The following VPS13C variants were observed in gnomAD, a reference collection of about 807,000 sequenced individuals.
The protein encoded by VPS13C is intermembrane lipid transfer protein VPS13C.
In VPS13C, 358 loss-of-function variants were observed where a neutral mutation model predicts 456.8. The ratio of observed to expected loss-of-function variants is 0.78; its 90% CI spans 0.72 to 0.86. The LOEUF (loss-of-function observed/expected upper bound fraction) is 0.86, where lower values mean the gene tolerates loss of function less well. Among genes scored for constraint, VPS13C ranks in the 40% least tolerant of loss-of-function variants. VPS13C has a pLI of 0.00. For missense variants in VPS13C, 4,818 were observed against 4,385.4 expected (o/e 1.10, Z -2.79); for synonymous variants, 1,578 against 1,486.7 (o/e 1.06, Z -1.41).
At position 61,940,510 on chromosome 15, in the gene VPS13C, T is replaced by C. The variant is rs2044383489; in HGVS notation, c.5601+137A>G. The C allele has an allele frequency of 4.2e-6, 3 of 717,520 alleles. No homozygotes were observed. In the African/African-American group the frequency reaches 5.4e-5, roughly 13 times the overall value. The allele number at this position is 717,520 out of a possible 1,614,324, so 44.4% of individuals were successfully genotyped here. ...CAAAAGTACACATACAACAGACAAA[T>C]GCTCACTAAGAGAAAACTGGTTTAG... On this transcript the variant is annotated intron_variant, in intron 47 of 84. Transcript: ENST00000644861.
intron 65 of VPS13C, among the ~76,000 whole-genome samples, chr15:61,907,938 A>T (rs1177020619): frequency 6.6e-6 from 1 of 152,132 alleles, no homozygotes; most frequent in Non-Finnish European, 1.5e-5. Context: ...TAACAAATAC[A>T]ATACTTAAGA....
At chr15:62,034,329 G>T (rs2140655016) in intron 4 of VPS13C, among the ~76,000 whole-genome samples, 1 of 151,570 alleles carries the variant, frequency 6.6e-6, no homozygotes, top group Admixed American at 6.6e-5. Context: ...AGAGCAAAAT[G>T]TAAAAATAAA....
At position 61,974,297 on chromosome 15, in the gene VPS13C, T is replaced by C; in HGVS notation, c.2529A>G (p.Pro843=). Residue 843 remains proline (P), a synonymous_variant, in exon 25 of 85, where the codon CCA becomes CCG. Transcript: ENST00000644861. ...TATTGTATCTATTTACCTGTCTCTC[T>C]GGAGACTGGGCTGATGATTTCTGTG... ...PLPQKSSAQS[P]ERQVSSIPII... is the part of the protein sequence containing the mutation. 1 of 1,611,470 alleles carries C rather than the reference T, an allele frequency of 6.2e-7. No homozygotes were observed. The highest frequency in any genetic ancestry group is 8.5e-7 in the Non-Finnish European group (1 of 1,178,418).
intron 45 of VPS13C, among the ~76,000 whole-genome samples, chr15:61,944,876 A>T (rs2044551835): frequency 6.6e-6 from 1 of 152,216 alleles, no homozygotes; most frequent in African/African-American, 2.4e-5. Context: ...TGGCAGCCCC[A>T]CTAAGAAGAA....
chr15:61,876,428 A>G (rs747346989), intron 75 of VPS13C, among the ~76,000 whole-genome samples: 27 of 152,058 alleles, frequency 1.8e-4, no homozygotes, highest in Non-Finnish European at 2.8e-4. Flanking sequence ...CAAAACAAAA[A>G]AAAGGGAAAA....
intron 8 of VPS13C, 100 bp from the exon 9 acceptor site, chr15:62,020,638 G>T: frequency 1.7e-6 from 2 of 1,147,366 alleles, no homozygotes; most frequent in Non-Finnish European, 2.5e-6. Context: ...TACAGGTTAA[G>T]CCATACAACC....
chr15:61,863,473 C>A lies in VPS13C; in HGVS notation c.10919G>T (p.Gly3640Val). 1.2e-6 allele frequency: 2 copies of A among 1,612,852 alleles called. No individual in the cohort carries two copies. Among genetic ancestry groups the A allele is most frequent in the Non-Finnish European group, 1.7e-6 (2 of 1,179,206 alleles). Reference protein sequence around the residue: ...ETYRYHCAIPGSKKTILMVTN... With the variant: ...ETYRYHCAIPVSKKTILMVTN... ...AACCATAAGGATTGTCTTCTTGCTT[C>A]CAGGAATAGCACAGTGGTATCGGTA... Residue 3640 changes from glycine to valine, a missense_variant, in exon 82 of 85, where the codon GGA becomes GTA. Transcript: ENST00000644861.
In VPS13C at chr15:61,949,519, A is replaced by C; in HGVS notation, c.4683T>G (p.Ser1561=). The C allele has an allele frequency of 6.2e-7, 1 of 1,613,882 alleles. No individual in the cohort carries two copies. The highest frequency in any genetic ancestry group is 8.5e-7 in the Non-Finnish European group (1 of 1,179,928). The part of the protein sequence containing the change: ...MDFLSSAAPF[S]EPSSSEKESE... ...ATTCCTTCTCAGAAGAGGAAGGCTC[A>C]GAGAATGGAGCAGCAGATGATAAAA... Residue 1561 remains serine, a synonymous_variant, in exon 42 of 85, where the codon TCT becomes TCG. Transcript: ENST00000644861.
In VPS13C at chr15:61,867,822, A is replaced by C; in HGVS notation, c.10863+837T>G. 1 of 1,531,648 alleles carries C rather than the reference A, an allele frequency of 6.5e-7. No homozygotes were observed. The highest frequency in any genetic ancestry group is 2.3e-5 in the Admixed American group (1 of 44,298). The allele number at this position is 1,531,648 out of a possible 1,614,324, so 94.9% of individuals were successfully genotyped here. ...TCAGATGGAGGTGAGAGTTTTAAAGAAAATTTCATTAAAATTGACAATGGA... is the reference window on the plus strand; with the variant it reads ...TCAGATGGAGGTGAGAGTTTTAAAGCAAATTTCATTAAAATTGACAATGGA... On this transcript the variant is annotated intron_variant, in intron 81 of 84. Coordinates refer to ENST00000644861, the MANE Select transcript of VPS13C (RefSeq NM_020821.3). This position sits in a 1 kb window ranked among gnomAD's most constrained non-coding sequence, Gnocchi z 5.0.
intron 1 of VPS13C, among the ~76,000 whole-genome samples, chr15:62,047,678 T>C (rs1228971446): frequency 6.6e-6 from 1 of 152,122 alleles, no homozygotes; most frequent in African/African-American, 2.4e-5. Flanking sequence ...TAAAAGTGCA[T>C]TCATTCATTC....
intron 78 of VPS13C, among the ~76,000 whole-genome samples, chr15:61,872,478 C>T (rs1895104657): frequency 6.6e-6 from 1 of 152,032 alleles, no homozygotes; most frequent in South Asian, 2.1e-4. Flanking sequence ...AGGGCCCTCC[C>T]AGGGACAGGT....
intron 42 of VPS13C, among the ~76,000 whole-genome samples, chr15:61,948,586 G>A (rs1197400679): frequency 2.6e-5 from 4 of 152,002 alleles, no homozygotes; most frequent in African/African-American, 9.7e-5. Flanking sequence ...GGGAGGCTGA[G>A]GCAAGAAAAT....
At position 61,867,169 on chromosome 15, in the gene VPS13C, A is replaced by G; in HGVS notation, c.10863+1490T>C. On this transcript the variant is annotated intron_variant, in intron 81 of 84. Transcript: ENST00000644861. The surrounding 1 kb of genome is among the most constrained non-coding windows in gnomAD (Gnocchi z 5.0). ...GCCACACAGCAATTTGCCTAATTACATGTTCAACTTCTATCTACATTAATT... is the reference window on the plus strand; with the variant it reads ...GCCACACAGCAATTTGCCTAATTACGTGTTCAACTTCTATCTACATTAATT... 1 of 984,146 alleles carries G rather than the reference A, an allele frequency of 1.0e-6. No homozygotes were observed. The highest frequency in any genetic ancestry group is 1.2e-6 in the Non-Finnish European group (1 of 828,724). 61.0% of individuals were successfully genotyped at this position (984,146 alleles called of 1,614,324 possible). A position where few individuals can be genotyped will look rare whatever the true frequency, so the allele number is the denominator to read the frequency against.
At chr15:61,917,671 A>G (rs778104161) in intron 59 of VPS13C, 36 bp from the exon 60 acceptor site, 2 of 1,581,688 alleles carry the variant, frequency 1.3e-6, no homozygotes, top group East Asian at 4.5e-5. Flanking sequence ...TAAAGTTTTG[A>G]TCCACAACTT....
intron 82 of VPS13C, among the ~76,000 whole-genome samples, chr15:61,857,894 G>T (rs1342370244): frequency 6.6e-6 from 1 of 152,152 alleles, no homozygotes; most frequent in Non-Finnish European, 1.5e-5. Flanking sequence ...CTCAGCAGAG[G>T]TGCTATTAAA....
At chr15:61,967,193 C>T (rs975189352) in intron 29 of VPS13C, among the ~76,000 whole-genome samples, 175 bp downstream of exon 29, 6 of 151,820 alleles carry the variant, frequency 4.0e-5, no homozygotes, top group African/African-American at 1.2e-4. Context: ...ATAATAATAG[C>T]CCCGTACTTA....
At chr15:62,021,037 C>A (rs749386481) in intron 8 of VPS13C, among the ~76,000 whole-genome samples, 2 of 151,720 alleles carry the variant, frequency 1.3e-5, no homozygotes, top group Admixed American at 1.3e-4. Context: ...GTGAAACAAC[C>A]CAGAAGCAGA....
chr15:61,888,707 G>C (rs190759043), intron 67 of VPS13C, among the ~76,000 whole-genome samples: 204 of 152,250 alleles, frequency 1.3e-3, no homozygotes, highest in African/African-American at 4.2e-3. Flanking sequence ...AAGAGGAATG[G>C]AGGGATTAAC....
At chr15:61,962,052 C>T (rs906079019) in intron 34 of VPS13C, among the ~76,000 whole-genome samples, 159 bp from the exon 35 acceptor site, 6 of 151,924 alleles carry the variant, frequency 3.9e-5, no homozygotes, top group Admixed American at 3.9e-4. Context: ...TACGGATAAT[C>T]CATCTATAAC....
Sources: allele counts gnomAD v4.1 joint callset (sites outside exome capture counted in the v4.1 genomes callset), GRCh38; gene constraint gnomAD v4.1.1; non-coding constraint Gnocchi (gnomAD v3.1); transcripts MANE v1.5; gene names NCBI Gene and HGNC (gene_info 2026-07-23, HGNC 2026-07-21).